The following ULK4 variants were observed in gnomAD, a reference collection of about 807,000 sequenced individuals.
ULK4 encodes the protein unc-51 like kinase 4, also known as inactive serine/threonine-protein kinase ULK4.
ULK4 carries 133 observed loss-of-function variants against 160.6 expected under a neutral mutation model. The observed-to-expected ratio is 0.83, with a 90% confidence interval of 0.72 to 0.96. ULK4 has a LOEUF of 0.96. Among genes scored for constraint, ULK4 ranks in the 40% least tolerant of loss-of-function variants. The pLI, the probability that ULK4 is intolerant of heterozygous loss-of-function variation, is 0.00. For synonymous variants in ULK4, 534 were observed against 539.8 expected, an observed-to-expected ratio of 0.99 and a Z score of 0.15; for missense variants, 1,580 against 1,499.5, an observed-to-expected ratio of 1.05 and a Z score of -0.89.
chr3:41,835,182 C>T (rs1376544732), intron 18 of ULK4, among the ~76,000 whole-genome samples: 1 of 152,102 alleles, frequency 6.6e-6, no homozygotes, highest in Non-Finnish European at 1.5e-5. Flanking sequence ...CACACTCCAG[C>T]CTGGGCAACA....
At chr3:41,905,898 A>C (rs554604981) in intron 12 of ULK4, among the ~76,000 whole-genome samples, 105 of 152,160 alleles carry the variant, frequency 6.9e-4, no homozygotes, top group African/African-American at 2.4e-3. Flanking sequence ...AACATGGTGA[A>C]ACCTGTCTCT....
chr3:41,519,041 C>T (rs933912160), intron 32 of ULK4, among the ~76,000 whole-genome samples: 1 of 152,190 alleles, frequency 6.6e-6, no homozygotes, highest in South Asian at 2.1e-4. Flanking sequence ...ATAAGCCCAC[C>T]TCCCACCCCT....
chr3:41,793,980 T>C (rs2040221856), intron 20 of ULK4, among the ~76,000 whole-genome samples: 1 of 152,140 alleles, frequency 6.6e-6, no homozygotes, highest in South Asian at 2.1e-4. Flanking sequence ...GCAGGCAACA[T>C]CACCTGGAAG....
chr3:41,654,911 C>G (rs1016454599), intron 30 of ULK4, among the ~76,000 whole-genome samples: 1 of 152,198 alleles, frequency 6.6e-6, no homozygotes, highest in Non-Finnish European at 1.5e-5. Context: ...AAAACAAAAA[C>G]AGTCTTACAG....
intron 30 of ULK4, among the ~76,000 whole-genome samples, chr3:41,639,206 C>G (rs563309896): frequency 8.5e-5 from 13 of 152,298 alleles, no homozygotes; most frequent in African/African-American, 3.1e-4. Flanking sequence ...GTATGATACA[C>G]AGAGAGACCC....
chr3:41,541,685 G>A (rs9821358), intron 32 of ULK4, among the ~76,000 whole-genome samples: 50,435 of 151,906 alleles, frequency 0.33, 8,719 homozygotes, highest in African/African-American at 0.4. Flanking sequence ...CCATTTGTTC[G>A]TGCCCTCTCT....
intron 27 of ULK4, among the ~76,000 whole-genome samples, chr3:41,701,684 A>G (rs1236706922): frequency 6.6e-6 from 1 of 152,216 alleles, no homozygotes; most frequent in East Asian, 1.9e-4. Context: ...TAACTATATT[A>G]AAGTAGTGAT....
intron 35 of ULK4, among the ~76,000 whole-genome samples, chr3:41,347,774 C>A (rs941324953): frequency 6.6e-6 from 1 of 152,228 alleles, no homozygotes; most frequent in Non-Finnish European, 1.5e-5. Flanking sequence ...ATCGTGTCAT[C>A]TACTCTGGGC....
intron 35 of ULK4, among the ~76,000 whole-genome samples, chr3:41,305,653 A>G (rs1396804348): frequency 1.3e-5 from 2 of 149,270 alleles, no homozygotes; most frequent in South Asian, 4.3e-4. Flanking sequence ...CCGTCTGGGA[A>G]GTGAGGAGCG....
intron 32 of ULK4, among the ~76,000 whole-genome samples, chr3:41,466,661 A>G (rs956230216): frequency 7.4e-4 from 112 of 152,324 alleles, no homozygotes; most frequent in African/African-American, 2.6e-3. Context: ...ATTAGACTTC[A>G]TTAAAAAGTA....
chr3:41,356,574 A>G (rs937235519), intron 35 of ULK4, among the ~76,000 whole-genome samples: 13 of 152,208 alleles, frequency 8.5e-5, no homozygotes, highest in African/African-American at 3.1e-4. Flanking sequence ...CAGGTACAGT[A>G]TGATTCCTTT....
intron 35 of ULK4, among the ~76,000 whole-genome samples, chr3:41,289,807 TTATG>T (rs34876578): frequency 0.48 from 70,592 of 147,552 alleles, 17,976 homozygotes; most frequent in East Asian, 0.6. Context: ...TTAGGTCAAC[TTATG>T]TATGTATGTA....
In ULK4 at chr3:41,309,691, G is replaced by T. The variant is rs377167832; in HGVS notation, c.3679-60117C>A. 7.2e-4 allele frequency among the ~76,000 whole-genome samples: 110 copies of T among 152,178 alleles called. 8 individuals are homozygous for T. The South Asian group carries it at 0.023, about 31-fold the overall frequency. ...ATTACTTTAGAATACCATAATTTTAGTTATACAATTATGCCAAAAGTCGGT... is the reference window on the plus strand; with the variant it reads ...ATTACTTTAGAATACCATAATTTTATTTATACAATTATGCCAAAAGTCGGT... On this transcript the variant is annotated intron_variant, in intron 35 of 36. Coordinates refer to ENST00000301831, the MANE Select transcript of ULK4 (RefSeq NM_017886.4).
chr3:41,665,217 T>C (rs980523637), intron 29 of ULK4, among the ~76,000 whole-genome samples: 1 of 152,166 alleles, frequency 6.6e-6, no homozygotes, highest in Admixed American at 6.6e-5. Flanking sequence ...AATCATTGTA[T>C]AACAAGCCTA....
intron 21 of ULK4, among the ~76,000 whole-genome samples, chr3:41,771,012 G>C (rs2039339037): frequency 6.6e-6 from 1 of 152,114 alleles, no homozygotes. Context: ...AAGATGACAA[G>C]AAGTTTGTAA....
chr3:41,281,768 C>A (rs1032016243), intron 35 of ULK4, among the ~76,000 whole-genome samples: 1 of 152,216 alleles, frequency 6.6e-6, no homozygotes, highest in Non-Finnish European at 1.5e-5. Flanking sequence ...TCTCACCACT[C>A]CTATTCAACA....
At chr3:41,756,651 C>A (rs1434810192) in intron 21 of ULK4, among the ~76,000 whole-genome samples, 1 of 152,038 alleles carries the variant, frequency 6.6e-6, no homozygotes, top group Non-Finnish European at 1.5e-5. Context: ...TCAGAGGCCC[C>A]CAGAGAAAAC....
chr3:41,362,455 T>A (rs112608255), intron 35 of ULK4, among the ~76,000 whole-genome samples: 10 of 152,220 alleles, frequency 6.6e-5, no homozygotes, highest in African/African-American at 2.4e-4. Flanking sequence ...TTGCCAACTC[T>A]TCATATACTA....
At chr3:41,486,821 T>C (rs1023663799) in intron 32 of ULK4, among the ~76,000 whole-genome samples, 10 of 152,152 alleles carry the variant, frequency 6.6e-5, no homozygotes, top group African/African-American at 2.4e-4. Flanking sequence ...TGACCATTTG[T>C]ATACACAATC....
Sources: gnomAD v4.1 joint callset for allele counts (sites outside exome capture counted in the v4.1 genomes callset) on GRCh38, gnomAD v4.1.1 for gene constraint, MANE v1.5 for transcripts, NCBI Gene and HGNC (gene_info 2026-07-23, HGNC 2026-07-21) for gene names.